Variants in ABCA13 observed in about 807,000 individuals in gnomAD.
The protein encoded by ABCA13 is ATP-binding cassette sub-family A member 13.
Under a neutral mutation model 478.7 loss-of-function variants are expected in ABCA13, and 476 were observed. The observed-to-expected ratio is 0.99, with a 90% confidence interval of 0.92 to 1.07. The LOEUF is 1.07. ABCA13 is among the 50% of genes least tolerant of loss of function. ABCA13 has a pLI of 0.00. For missense variants in ABCA13, 6,060 were observed against 5,910.6 expected (o/e 1.03, Z -0.83); for synonymous variants, 2,252 against 2,158.9 (o/e 1.04, Z -1.20).
chr7:48,553,272 G>A (rs903003889), intron 55 of ABCA13, among the ~76,000 whole-genome samples: 1 of 152,054 alleles, frequency 6.6e-6, no homozygotes, highest in Admixed American at 6.6e-5. Flanking sequence ...TGTGATAAAT[G>A]TGGGAGTGCA....
intron 58 of ABCA13, among the ~76,000 whole-genome samples, chr7:48,599,072 A>T (rs1447352492): frequency 6.8e-6 from 1 of 147,368 alleles, no homozygotes; most frequent in African/African-American, 2.5e-5. Context: ...CATGTTGATT[A>T]TGGTTGTTTT....
chr7:48,569,089 T>G (rs913326957), intron 55 of ABCA13, among the ~76,000 whole-genome samples: 1 of 152,094 alleles, frequency 6.6e-6, no homozygotes, highest in African/African-American at 2.4e-5. Context: ...ATGATTATTT[T>G]CTTTATTATT....
At chr7:48,461,756 G>A (rs1826267139) in intron 43 of ABCA13, among the ~76,000 whole-genome samples, 1 of 152,126 alleles carries the variant, frequency 6.6e-6, no homozygotes, top group South Asian at 2.1e-4. Context: ...GAGAATCCCT[G>A]ATGACGACAT....
chr7:48,394,579 T>G (rs189388640), intron 38 of ABCA13, among the ~76,000 whole-genome samples: 7 of 152,228 alleles, frequency 4.6e-5, no homozygotes, highest in Non-Finnish European at 8.8e-5. Context: ...AGTCTTCTGT[T>G]TCTTTCCACC....
intron 5 of ABCA13, among the ~76,000 whole-genome samples, chr7:48,225,119 G>GCCTA (rs1562816922): frequency 3.0e-5 from 3 of 99,882 alleles, no homozygotes; most frequent in African/African-American, 7.2e-5. Context: ...GTGCCTGCCT[G>GCCTA]CCTGCCTGCC....
At chr7:48,262,283 G>A (rs1562904991) in intron 15 of ABCA13, among the ~76,000 whole-genome samples, 2 of 151,892 alleles carry the variant, frequency 1.3e-5, no homozygotes, top group Admixed American at 1.3e-4. Context: ...TGACATAGGA[G>A]AGGAGTGGAT....
intron 38 of ABCA13, among the ~76,000 whole-genome samples, chr7:48,398,078 G>A (rs1353636579): frequency 6.6e-6 from 1 of 152,164 alleles, no homozygotes. Context: ...TTGTACTATT[G>A]AAAGCTGTCT....
chr7:48,235,234 T>C (rs1476364378), intron 8 of ABCA13, among the ~76,000 whole-genome samples: 2 of 152,358 alleles, frequency 1.3e-5, no homozygotes, highest in East Asian at 3.9e-4. Context: ...ACTATCTACC[T>C]ACCACAGGAC....
intron 59 of ABCA13, among the ~76,000 whole-genome samples, chr7:48,622,925 G>A (rs1563519155): frequency 6.6e-6 from 1 of 152,108 alleles, no homozygotes; most frequent in Non-Finnish European, 1.5e-5. Flanking sequence ...TTGAACCCCA[G>A]CATTCTGGTG....
In ABCA13 at chr7:48,275,910, A is replaced by G. The variant is rs778489754; in HGVS notation, c.6244A>G (p.Met2082Val). Residue 2082 changes from methionine (M) to valine (V), a missense_variant, in exon 17 of 62, where the codon ATG (methionine) becomes GTG (valine). Transcript: ENST00000435803. ...TAGAATCAGACACCTGCTTTCTGAA[A>G]TGAACAAAGGAATCAAAAGTATAAA... is the stretch of plus-strand genomic sequence containing the variant. ...DFRIRHLLSEMNKGIKSINSM... is the reference protein window; with the variant it reads ...DFRIRHLLSEVNKGIKSINSM... 2.5e-6 allele frequency: 4 copies of G among 1,613,596 alleles called. No homozygotes were observed. The highest frequency in any genetic ancestry group is 2.2e-5 in the East Asian group (1 of 44,856).
chr7:48,380,555 A>T (rs545615151), intron 35 of ABCA13, among the ~76,000 whole-genome samples: 84 of 152,350 alleles, frequency 5.5e-4, no homozygotes, highest in Non-Finnish European at 1.1e-3. Flanking sequence ...TAACCATGAA[A>T]CACTTTGCAT....
chr7:48,610,707 G>T (rs1472889674), intron 58 of ABCA13, among the ~76,000 whole-genome samples: 1 of 152,204 alleles, frequency 6.6e-6, no homozygotes, highest in African/African-American at 2.4e-5. Context: ...CTCAACTCTT[G>T]CCCTCTGTGC....
chr7:48,460,169 C>T (rs1040126830), intron 43 of ABCA13, among the ~76,000 whole-genome samples: 7 of 152,172 alleles, frequency 4.6e-5, no homozygotes, highest in African/African-American at 1.4e-4. Context: ...TGTGGCCAGT[C>T]GGTGCCCACT....
intron 31 of ABCA13, among the ~76,000 whole-genome samples, chr7:48,361,753 A>G (rs951621306): frequency 6.6e-6 from 1 of 151,776 alleles, no homozygotes; most frequent in African/African-American, 2.4e-5. Flanking sequence ...TTCTAGATGC[A>G]TGCAGTACAG....
chr7:48,362,178 T>C (rs562415842), intron 31 of ABCA13, among the ~76,000 whole-genome samples: 138 of 152,124 alleles, frequency 9.1e-4, no homozygotes, highest in Non-Finnish European at 1.7e-3. Context: ...TTAATTTATG[T>C]CGTCTTGATC....
At chr7:48,591,556 C>A (rs150926399) in intron 57 of ABCA13, among the ~76,000 whole-genome samples, 2 of 151,868 alleles carry the variant, frequency 1.3e-5, no homozygotes, top group African/African-American at 4.8e-5. Flanking sequence ...GTCTGTAGAT[C>A]GCTTTGGGTA....
chr7:48,498,748 A>T (rs903562382), intron 48 of ABCA13, among the ~76,000 whole-genome samples: 1 of 152,238 alleles, frequency 6.6e-6, no homozygotes, highest in African/African-American at 2.4e-5. Flanking sequence ...TACTGTAGAC[A>T]TATTGTCCAT....
At chr7:48,609,304 T>G (rs1206335472) in intron 58 of ABCA13, among the ~76,000 whole-genome samples, 3 of 152,190 alleles carry the variant, frequency 2.0e-5, no homozygotes, top group Non-Finnish European at 4.4e-5. Context: ...TGGTTTCACA[T>G]TAAATATATA....
At position 48,288,791 on chromosome 7, in the gene ABCA13, A is replaced by AG. The variant is rs1214762771; in HGVS notation, c.8955+715dup. Among the ~76,000 whole-genome samples the AG allele has an allele frequency of 6.6e-5, 10 of 152,278 alleles. No homozygotes were observed. In the South Asian group the frequency reaches 1.5e-3, roughly 22 times the overall value. ...TTATTAAATTGGACACATGCCCAAT[A>AG]GGCTCCCATGCAGGGTCTCCAACTA... is the stretch of plus-strand genomic sequence containing the variant. On this transcript the variant is annotated intron_variant, in intron 20 of 61. Coordinates refer to ENST00000435803, the MANE Select transcript of ABCA13 (RefSeq NM_152701.5).
Sources: allele counts gnomAD v4.1 joint callset (sites outside exome capture counted in the v4.1 genomes callset), GRCh38; gene constraint gnomAD v4.1.1; transcripts MANE v1.5; gene names NCBI Gene and HGNC (gene_info 2026-07-23, HGNC 2026-07-21).